The following SUSD1 variants were observed in gnomAD, a reference collection of about 807,000 sequenced individuals.
SUSD1 encodes sushi domain containing 1, also known as sushi domain-containing protein 1.
SUSD1 carries 65 observed loss-of-function variants against 86.9 expected under a neutral mutation model. The ratio of observed to expected loss-of-function variants is 0.75; its 90% CI spans 0.61 to 0.92. SUSD1 has a LOEUF of 0.92. Among genes scored for constraint, SUSD1 ranks in the 40% least tolerant of loss-of-function variants. The pLI, the probability that SUSD1 is intolerant of heterozygous loss-of-function variation, is 0.00. For synonymous variants in SUSD1, 346 were observed against 350.0 expected (o/e 0.99, Z 0.13); for missense variants, 850 against 929.7 (o/e 0.91, Z 1.11).
intron 1 of SUSD1, among the ~76,000 whole-genome samples, chr9:112,170,569 G>A (rs1008568135): frequency 6.6e-6 from 1 of 151,836 alleles, no homozygotes; most frequent in African/African-American, 2.4e-5. Flanking sequence ...TTACACTCAG[G>A]TCATCTGACT....
intron 1 of SUSD1, among the ~76,000 whole-genome samples, chr9:112,169,561 GT>G (rs1833953756): frequency 6.6e-6 from 1 of 152,060 alleles, no homozygotes; most frequent in South Asian, 2.1e-4. Context: ...CCCACACTGA[GT>G]GCCATTCATT....
At chr9:112,059,039 G>A (rs928292838) in intron 13 of SUSD1, among the ~76,000 whole-genome samples, 1 of 151,820 alleles carries the variant, frequency 6.6e-6, no homozygotes, top group Admixed American at 6.6e-5. Flanking sequence ...TGATCCACCC[G>A]CCTCGGCCTC....
chr9:112,137,339 C>T lies in SUSD1; in HGVS notation c.706+4981G>A, dbSNP rs116170187. Among the ~76,000 whole-genome samples, 637 of 152,058 alleles carry T rather than the reference C, an allele frequency of 4.2e-3. 9 individuals carry two copies. The highest frequency in any genetic ancestry group is 0.015 in the African/African-American group (609 of 41,452). Reference sequence around the variant, plus strand: ...AGTTATTAGAGAAGGAAAAAAGAAGCGAAGATCTTTTAAATAACAGTTCTT... The same window carrying T: ...AGTTATTAGAGAAGGAAAAAAGAAGTGAAGATCTTTTAAATAACAGTTCTT... On this transcript the variant is annotated intron_variant, in intron 5 of 16. Coordinates refer to ENST00000374270, the MANE Select transcript of SUSD1 (RefSeq NM_022486.5).
At chr9:112,145,480 C>G (rs1174491641) in intron 3 of SUSD1, among the ~76,000 whole-genome samples, 2 of 151,958 alleles carry the variant, frequency 1.3e-5, no homozygotes, top group Non-Finnish European at 2.9e-5. Flanking sequence ...CAGGGTTTCA[C>G]CATGTTGGCC....
intron 13 of SUSD1, among the ~76,000 whole-genome samples, chr9:112,062,102 A>T (rs1828753670): frequency 1.3e-5 from 2 of 152,232 alleles, no homozygotes; most frequent in Admixed American, 1.3e-4. Flanking sequence ...TTAATTATAC[A>T]GTGTCTTGCC....
At chr9:112,064,846 A>G (rs1416600621) in intron 12 of SUSD1, among the ~76,000 whole-genome samples, 1 of 150,478 alleles carries the variant, frequency 6.6e-6, no homozygotes, top group Non-Finnish European at 1.5e-5. Context: ...ACTGCACTCC[A>G]GCCTGGGTGA....
intron 8 of SUSD1, among the ~76,000 whole-genome samples, chr9:112,109,484 G>A (rs1831000417): frequency 1.3e-5 from 2 of 152,182 alleles, no homozygotes; most frequent in African/African-American, 4.8e-5. Flanking sequence ...CAGTTAGGAT[G>A]GCTCAACATA....
intron 15 of SUSD1, among the ~76,000 whole-genome samples, chr9:112,045,821 T>C (rs1827932172): frequency 6.6e-6 from 1 of 152,222 alleles, no homozygotes; most frequent in Non-Finnish European, 1.5e-5. Flanking sequence ...CATGTGAAAA[T>C]TGTATGAACC....
chr9:112,101,250 T>A lies in SUSD1; in HGVS notation c.1281+926A>T, dbSNP rs148327174. On this transcript the variant is annotated intron_variant, in intron 9 of 16. Transcript: ENST00000374270. ...AGTGGTGCACACCTATAATCTCAGCTACTTGGGAGGCTGAGGCACGAGAGT... is the reference window on the plus strand; with the variant it reads ...AGTGGTGCACACCTATAATCTCAGCAACTTGGGAGGCTGAGGCACGAGAGT... 3.3e-5 allele frequency among the ~76,000 whole-genome samples: 5 copies of A among 152,004 alleles called. No individual in the cohort carries two copies. In the East Asian group the frequency reaches 9.7e-4, roughly 30 times the overall value.
In SUSD1 at chr9:112,173,064, A is replaced by G. The variant is rs113734146; in HGVS notation, c.103+2069T>C. ...TCAGCCATCTTAGTCTAACAATTCA[A>G]TGGGATCATACTGGACAGTTTCCTA... On this transcript the variant is annotated intron_variant, in intron 1 of 16. Coordinates refer to ENST00000374270, the MANE Select transcript of SUSD1 (RefSeq NM_022486.5). 3.6e-3 allele frequency among the ~76,000 whole-genome samples: 544 copies of G among 152,300 alleles called. 4 individuals are homozygous for G. The highest frequency in any genetic ancestry group is 0.013 in the African/African-American group (522 of 41,566).
intron 15 of SUSD1, among the ~76,000 whole-genome samples, chr9:112,050,119 G>A (rs933095779): frequency 2.0e-5 from 3 of 152,134 alleles, no homozygotes; most frequent in African/African-American, 4.8e-5. Context: ...TCTTTTCCTC[G>A]TGAGAACGCC....
At chr9:112,099,059 C>T (rs1263572830) in intron 9 of SUSD1, among the ~76,000 whole-genome samples, 1 of 146,848 alleles carries the variant, frequency 6.8e-6, no homozygotes, top group Non-Finnish European at 1.5e-5. Context: ...CTCTCTCTGT[C>T]TCTTTTCTGA....
chr9:112,143,698 C>T, intron 3 of SUSD1, 75 bp from the exon 4 acceptor site: 1 of 1,436,104 alleles, frequency 7.0e-7, no homozygotes, highest in Non-Finnish European at 9.4e-7. Flanking sequence ...GATATTGTGA[C>T]AGCCATTTTT....
chr9:112,137,308 G>C (rs1157439421), intron 5 of SUSD1, among the ~76,000 whole-genome samples: 1 of 152,014 alleles, frequency 6.6e-6, no homozygotes, highest in African/African-American at 2.4e-5. Context: ...AGCGGGCAGA[G>C]GGAGCAGTTA....
chr9:112,099,284 G>A (rs10119477), intron 9 of SUSD1, among the ~76,000 whole-genome samples: 3,802 of 152,170 alleles, frequency 0.025, 143 homozygotes, highest in African/African-American at 0.086. Flanking sequence ...TTGGCCTCAA[G>A]CCCACCTCAG....
At chr9:112,099,140 C>T (rs2131609853) in intron 9 of SUSD1, among the ~76,000 whole-genome samples, 1 of 152,114 alleles carries the variant, frequency 6.6e-6, no homozygotes, top group South Asian at 2.1e-4. Flanking sequence ...ATCTCAAACT[C>T]CTGGACTGAA....
chr9:112,114,202 G>C (rs554617546), intron 6 of SUSD1, among the ~76,000 whole-genome samples: 10 of 152,172 alleles, frequency 6.6e-5, no homozygotes, highest in African/African-American at 2.4e-4. Context: ...AAACAAACAG[G>C]CCTGGTGCAA....
chr9:112,163,179 C>T (rs912393197), intron 1 of SUSD1, among the ~76,000 whole-genome samples: 2 of 152,068 alleles, frequency 1.3e-5, no homozygotes, highest in Non-Finnish European at 2.9e-5. Flanking sequence ...CAAGGTCTCA[C>T]TCTGTCGCCT....
chr9:112,125,670 C>T (rs1316590317), intron 5 of SUSD1, among the ~76,000 whole-genome samples: 2 of 152,220 alleles, frequency 1.3e-5, no homozygotes, highest in Non-Finnish European at 2.9e-5. Context: ...CTCCTAACAT[C>T]CAGGCTTTTT....
Sources: gnomAD v4.1 joint callset for allele counts (sites outside exome capture counted in the v4.1 genomes callset) on GRCh38, gnomAD v4.1.1 for gene constraint, MANE v1.5 for transcripts, NCBI Gene and HGNC (gene_info 2026-07-23, HGNC 2026-07-21) for gene names.